Variants in OSBPL3 observed in about 807,000 individuals in gnomAD.
OSBPL3 encodes the protein oxysterol-binding protein-related protein 3.
A neutral mutation model predicts 120.1 loss-of-function variants in OSBPL3; 65 were observed. The observed-to-expected ratio is 0.54, with a 90% CI of 0.44 to 0.67. The LOEUF is 0.67. OSBPL3 is among the 30% of genes least tolerant of loss of function. The probability of loss-of-function intolerance (pLI) is 0.00; values close to 1 mark genes in which losing one functional copy is unlikely to be tolerated. For synonymous variants in OSBPL3, 416 were observed against 402.6 expected (o/e 1.03, Z -0.40); for missense variants, 1,004 against 1,082.1 (o/e 0.93, Z 1.01).
chr7:24,878,963 T>G (rs559568149), intron 2 of OSBPL3, among the ~76,000 whole-genome samples: 2 of 152,290 alleles, frequency 1.3e-5, no homozygotes, highest in African/African-American at 4.8e-5. Context: ...AAAATTGGGA[T>G]TTGACTTGAC....
intron 12 of OSBPL3, among the ~76,000 whole-genome samples, chr7:24,842,925 G>A (rs929402501): frequency 1.3e-5 from 2 of 152,330 alleles, no homozygotes; most frequent in South Asian, 2.1e-4. Flanking sequence ...AAGCACCCTG[G>A]TGGCAGATCA....
At chr7:24,853,172 A>C (rs1408285286) in intron 10 of OSBPL3, among the ~76,000 whole-genome samples, 3 of 149,144 alleles carry the variant, frequency 2.0e-5, no homozygotes, top group African/African-American at 7.3e-5. Context: ...AAAGACTGGA[A>C]AGGGTTAAAA....
chr7:24,963,741 G>T lies in OSBPL3; in HGVS notation c.-150+16145C>A, dbSNP rs77745794. Among the ~76,000 whole-genome samples the T allele has an allele frequency of 5.2e-3, 794 of 152,336 alleles. 9 individuals are homozygous for T. The highest frequency in any genetic ancestry group is 0.018 in the African/African-American group (753 of 41,578). ...TAGATAAACCATTTCACCTTTTGAG[G>T]TGTCTATTTTCTTATCTTTAACATG... On this transcript the variant is annotated intron_variant, in intron 1 of 22. Transcript: ENST00000313367.
chr7:24,866,868 C>T (rs1489261259), intron 5 of OSBPL3, among the ~76,000 whole-genome samples: 1 of 152,188 alleles, frequency 6.6e-6, no homozygotes, highest in Non-Finnish European at 1.5e-5. Context: ...ATGGCCCAAC[C>T]TTGGCTCACT....
intron 1 of OSBPL3, 128 bp downstream of exon 1, chr7:24,979,758 G>A (rs746430349): frequency 6.9e-5 from 30 of 435,724 alleles, no homozygotes; most frequent in Non-Finnish European, 9.1e-5. Flanking sequence ...GCCTCCCCGG[G>A]CGACTCGGAC....
At chr7:24,865,034 T>C (rs960235383) in intron 7 of OSBPL3, among the ~76,000 whole-genome samples, 2 of 152,178 alleles carry the variant, frequency 1.3e-5, no homozygotes, top group Non-Finnish European at 2.9e-5. Flanking sequence ...TCAATCTTTC[T>C]TGGATGTGTG....
chr7:24,834,022 C>T lies in OSBPL3; in HGVS notation c.1746+464G>A, dbSNP rs769799008. On this transcript the variant is annotated intron_variant, in intron 15 of 22. Transcript: ENST00000313367. The surrounding 1 kb of genome is among the most constrained non-coding windows in gnomAD (Gnocchi z 5.2). ...ACCTCCTCTTGTGAACTTTATTTTCCAAAAACCTAGGAGCTGATGGGACAA... is the reference window on the plus strand; with the variant it reads ...ACCTCCTCTTGTGAACTTTATTTTCTAAAAACCTAGGAGCTGATGGGACAA... 64 of 846,706 alleles carry T rather than the reference C, an allele frequency of 7.6e-5. No individual in the cohort carries two copies. The highest frequency in any genetic ancestry group is 8.7e-5 in the Non-Finnish European group (61 of 703,178). 52.4% of individuals were successfully genotyped at this position (846,706 alleles called of 1,614,324 possible). A position where few individuals can be genotyped will look rare whatever the true frequency, so the allele number is the denominator to read the frequency against.
In OSBPL3 at chr7:24,852,503, C is replaced by T; in HGVS notation, c.1158+1G>A. The T allele has an allele frequency of 1.3e-6, 2 of 1,568,550 alleles. No homozygotes were observed. The highest frequency in any genetic ancestry group is 1.2e-5 in the South Asian group (1 of 82,470). On this transcript the variant is annotated splice_donor_variant, in intron 11 of 22. Transcript: ENST00000313367. LOFTEE classifies it high-confidence loss of function. This position sits in a 1 kb window ranked among gnomAD's most constrained non-coding sequence, Gnocchi z 4.1. ...TTCCTGGAGGCAGACATGTAACTTA[C>T]GGATGACAGGGCGTTCTTCAGACCA... is the stretch of plus-strand genomic sequence containing the variant.
At position 24,968,640 on chromosome 7, in the gene OSBPL3, G is replaced by A. The variant is rs770777730; in HGVS notation, c.-150+11246C>T. 1.3e-5 allele frequency among the ~76,000 whole-genome samples: 2 copies of A among 152,050 alleles called. No individual in the cohort carries two copies. The highest frequency in any genetic ancestry group is 2.9e-5 in the Non-Finnish European group (2 of 68,006). Reference sequence around the variant, plus strand: ...TTGAACTCCTGACCTCAGGTGATTCGCCCACCTCGGCCTCCCAAAGTGCTA... The same window carrying A: ...TTGAACTCCTGACCTCAGGTGATTCACCCACCTCGGCCTCCCAAAGTGCTA... On this transcript the variant is annotated intron_variant, in intron 1 of 22. Coordinates refer to ENST00000313367, the MANE Select transcript of OSBPL3 (RefSeq NM_015550.4). The surrounding 1 kb of genome is among the most constrained non-coding windows in gnomAD (Gnocchi z 4.6).
rs759319935 is a variant in OSBPL3 at position 24,830,784 on chromosome 7, T to C, written c.1868A>G (p.Gln623Arg). Reference protein sequence around the residue: ...YECIREDKGFQFFSEQVSHHP... With the variant: ...YECIREDKGFRFFSEQVSHHP... ...TACATCTACCTGTTCTGAAAAAAAC[T>C]GGAAGCCCTTGTCCTCCCGAATACA... The change falls in exon 16 of 23, where the codon CAG becomes CGG. Residue 623 changes from glutamine to arginine, a missense_variant. Physicochemically the swap from Gln to Arg is conservative, Grantham distance 43 (BLOSUM62 1). This residue lies in a region of OSBPL3 where 473 missense variants were observed against 568.0 expected (regional missense o/e 0.83). Coordinates refer to ENST00000313367, the MANE Select transcript of OSBPL3 (RefSeq NM_015550.4). This position sits in a 1 kb window ranked among gnomAD's most constrained non-coding sequence, Gnocchi z 4.4. The C allele has an allele frequency of 2.5e-6, 4 of 1,610,656 alleles. No homozygotes were observed. In the South Asian group the frequency reaches 3.3e-5, roughly 13 times the overall value.
chr7:24,802,727 G>A lies in OSBPL3; in HGVS notation c.2567+1588C>T, dbSNP rs1562744637. On this transcript the variant is annotated intron_variant, in intron 22 of 22. Coordinates refer to ENST00000313367, the MANE Select transcript of OSBPL3 (RefSeq NM_015550.4). The surrounding 1 kb of genome is among the most constrained non-coding windows in gnomAD (Gnocchi z 4.1). ...TACTGTAATGAACATCTTCATAATT[G>A]TACATTTTTCTTTTTTTAAAAAATG... 6.6e-6 allele frequency among the ~76,000 whole-genome samples: 1 copy of A among 151,924 alleles called. No homozygotes were observed. The highest frequency in any genetic ancestry group is 1.9e-4 in the East Asian group (1 of 5,188).
rs1437918282 is a variant in OSBPL3 at position 24,937,349 on chromosome 7, A to G, written c.-150+42537T>C. Among the ~76,000 whole-genome samples the G allele has an allele frequency of 2.0e-5, 3 of 152,164 alleles. No homozygotes were observed. The highest frequency in any genetic ancestry group is 4.4e-5 in the Non-Finnish European group (3 of 68,032). On this transcript the variant is annotated intron_variant, in intron 1 of 22. Transcript: ENST00000313367. The surrounding 1 kb of genome is among the most constrained non-coding windows in gnomAD (Gnocchi z 4.0). ...CAGCTTTGGGTGGGAACACAGCCAA[A>G]CCATATCAGTAAATTTTTATTTCAA...
At chr7:24,876,065 T>C (rs561531421) in intron 2 of OSBPL3, among the ~76,000 whole-genome samples, 1 of 152,346 alleles carries the variant, frequency 6.6e-6, no homozygotes, top group African/African-American at 2.4e-5. Flanking sequence ...TTCCTCTTTA[T>C]TGCCCAGCCA....
intron 1 of OSBPL3, among the ~76,000 whole-genome samples, chr7:24,902,565 A>G (rs993521903): frequency 6.6e-6 from 1 of 152,154 alleles, no homozygotes; most frequent in Non-Finnish European, 1.5e-5. Flanking sequence ...AGCAAGTGGA[A>G]CTGCTGCATC....
In OSBPL3 at chr7:24,834,067, C is replaced by T. The variant is rs1339469111; in HGVS notation, c.1746+419G>A. ...GGACAATTCCAGAAATAAACACAAA[C>T]ATTCTCAGGGGAAACTTACCCTGGA... On this transcript the variant is annotated intron_variant, in intron 15 of 22. Coordinates refer to ENST00000313367, the MANE Select transcript of OSBPL3 (RefSeq NM_015550.4). The surrounding 1 kb of genome is among the most constrained non-coding windows in gnomAD (Gnocchi z 5.2). 1 of 986,466 alleles carries T rather than the reference C, an allele frequency of 1.0e-6. No homozygotes were observed. Among genetic ancestry groups the T allele is most frequent in the Admixed American group, 6.1e-5 (1 of 16,324 alleles). The allele number at this position is 986,466 out of a possible 1,614,324, so 61.1% of individuals were successfully genotyped here.
chr7:24,857,188 G>C (rs949719650), intron 10 of OSBPL3, among the ~76,000 whole-genome samples: 1 of 152,168 alleles, frequency 6.6e-6, no homozygotes, highest in Admixed American at 6.5e-5. Context: ...AGAAAGAAAA[G>C]AATAGGTAAA....
Position 24,871,926 on chromosome 7 carries a change from TA to T in OSBPL3, c.213+26del. 6.5e-7 allele frequency: 1 copy of T among 1,544,024 alleles called. No homozygotes were observed. Among genetic ancestry groups the T allele is most frequent in the Non-Finnish European group, 9.0e-7 (1 of 1,116,414 alleles). On this transcript the variant is annotated intron_variant, in intron 3 of 22. Coordinates refer to ENST00000313367, the MANE Select transcript of OSBPL3 (RefSeq NM_015550.4). This position sits in a 1 kb window ranked among gnomAD's most constrained non-coding sequence, Gnocchi z 4.8. Reference sequence around the variant, plus strand: ...CTGAGTGGGGCAGTGTGAGTGCAAATAAAGGGGAGGCCAAGACCAACCTTAC... The same window carrying T: ...CTGAGTGGGGCAGTGTGAGTGCAAATAAGGGGAGGCCAAGACCAACCTTAC...
rs541889724 is a variant in OSBPL3, at chr7:24,889,171, T to TA, written c.96+3205dup. Among the ~76,000 whole-genome samples the TA allele has an allele frequency of 6.6e-5, 10 of 152,276 alleles. No homozygotes were observed. In the South Asian group the frequency reaches 2.1e-3, roughly 32 times the overall value. ...TATGCAGTGGACTACTATTCAGCCT[T>TA]AAAAAAGAAAGACATCTTGTCATTT... On this transcript the variant is annotated intron_variant, in intron 2 of 22. Coordinates refer to ENST00000313367, the MANE Select transcript of OSBPL3 (RefSeq NM_015550.4).
In OSBPL3 at chr7:24,818,924, C is replaced by T. The variant is rs546813190; in HGVS notation, c.1948+1251G>A. On this transcript the variant is annotated intron_variant, in intron 17 of 22. Coordinates refer to ENST00000313367, the MANE Select transcript of OSBPL3 (RefSeq NM_015550.4). This position sits in a 1 kb window ranked among gnomAD's most constrained non-coding sequence, Gnocchi z 4.0. ...GGGAAGGATGTAACACAGGAGCACA[C>T]AAAACTACTTTGAGAAGACCCCTCG... 1.3e-5 allele frequency among the ~76,000 whole-genome samples: 2 copies of T among 152,126 alleles called. No homozygotes were observed. The highest frequency in any genetic ancestry group is 2.1e-4 in the South Asian group (1 of 4,824).
Sources: allele counts gnomAD v4.1 joint callset (sites outside exome capture counted in the v4.1 genomes callset), GRCh38; gene constraint gnomAD v4.1.1; regional missense constraint gnomAD v4.1.1; non-coding constraint Gnocchi (gnomAD v3.1); transcripts MANE v1.5; gene names NCBI Gene and HGNC (gene_info 2026-07-23, HGNC 2026-07-21).